Variants in DCX observed in about 807,000 individuals in gnomAD.
DCX encodes neuronal migration protein doublecortin.
A neutral mutation model predicts 20.9 loss-of-function variants in DCX; 4 were observed. The ratio of observed to expected loss-of-function variants is 0.19; its 90% CI spans 0.09 to 0.44. The LOEUF (loss-of-function observed/expected upper bound fraction) is 0.44. Among genes scored for constraint, DCX ranks in the 20% least tolerant of loss-of-function variants. DCX has a pLI of 0.99. For missense variants in DCX, 133 were observed against 296.9 expected (o/e 0.45, Z 4.06); for synonymous variants, 103 against 111.4 (o/e 0.92, Z 0.47).
chrX:111,367,801 A>G (rs1433074211), intron 3 of DCX, among the ~76,000 whole-genome samples: 1 of 111,216 alleles, frequency 9.0e-6, no homozygotes, highest in East Asian at 2.8e-4. Context: ...TAGCCAGGGG[A>G]AGTCTAGAGC....
intron 5 of DCX, among the ~76,000 whole-genome samples, chrX:111,318,967 C>A (rs1439560055): frequency 1.8e-5 from 2 of 111,879 alleles, no homozygotes; most frequent in Admixed American, 9.5e-5. Context: ...AAAAAATGCA[C>A]CAGCAGGGAC....
chrX:111,386,879 A>G (rs1926561421), intron 3 of DCX, among the ~76,000 whole-genome samples: 1 of 111,268 alleles, frequency 9.0e-6, no homozygotes, highest in South Asian at 3.9e-4. Context: ...GAGGACGCAG[A>G]TTTCTATTCC....
intron 3 of DCX, among the ~76,000 whole-genome samples, chrX:111,372,017 C>T (rs1486295394): frequency 9.1e-6 from 1 of 110,308 alleles, no homozygotes; most frequent in Non-Finnish European, 1.9e-5. Flanking sequence ...CCAAATGAAG[C>T]CATGGAGCCT....
intron 3 of DCX, among the ~76,000 whole-genome samples, chrX:111,349,128 G>T (rs188927648): frequency 9.0e-6 from 1 of 111,455 alleles, no homozygotes. Context: ...TATAGTTTAG[G>T]GGGGTTAAGG....
chrX:111,357,880 T>C (rs2147685440), intron 3 of DCX, among the ~76,000 whole-genome samples: 1 of 111,411 alleles, frequency 9.0e-6, no homozygotes, highest in South Asian at 3.9e-4. Context: ...CAGGCTGGAG[T>C]GCAGTGATGT....
In DCX at chrX:111,299,960, T is replaced by G. The variant is rs1294924367; in HGVS notation, c.*1727A>C. On this transcript the variant is annotated 3_prime_UTR_variant, in exon 7 of 7. Coordinates refer to ENST00000636035, the MANE Select transcript of DCX (RefSeq NM_001195553.2). ...AATCCATTACAGGGGTGTCCTGTAG[T>G]ATTTCCTAATTTTGAAGCAGCTGCA... 9.1e-6 allele frequency: 1 copy of G among 110,241 alleles called. No homozygotes were observed. Among genetic ancestry groups the G allele is most frequent in the Non-Finnish European group, 1.9e-5 (1 of 52,865 alleles). 9.1% of individuals were successfully genotyped at this position (110,241 alleles called of 1,213,427 possible).
Position 111,330,911 on chromosome X carries a change from G to T in DCX, c.939C>A (p.Asp313Glu), listed in dbSNP as rs1256660767. The change falls in exon 5 of 7, where the codon GAC becomes GAA. Residue 313 changes from aspartate to glutamate, a missense_variant. Coordinates refer to ENST00000636035, the MANE Select transcript of DCX (RefSeq NM_001195553.2). The stretch of plus-strand genomic sequence containing the variant: ...TAGGAAAAGAGCACTCACCGTCTTG[G>T]TCGTTACCTGAGTCAGCTGGAGACT... ...RSKSPADSGN[D>E]QDANGTSSSQ... 8.3e-7 allele frequency: 1 copy of T among 1,211,748 alleles called. No homozygotes were observed. The highest frequency in any genetic ancestry group is 1.1e-6 in the Non-Finnish European group (1 of 895,380).
chrX:111,370,863 A>T (rs1173994169), intron 3 of DCX, among the ~76,000 whole-genome samples: 1 of 111,997 alleles, frequency 8.9e-6, no homozygotes, highest in Non-Finnish European at 1.9e-5. Context: ...AGTATTTTTT[A>T]AAAGCTCCAC....
chrX:111,333,292 A>G, intron 3 of DCX, 139 bp from the exon 4 acceptor site: 2 of 515,256 alleles, frequency 3.9e-6, no homozygotes, highest in South Asian at 5.3e-5. Flanking sequence ...TAAAACACCT[A>G]CCACATTCAT....
chrX:111,311,967 C>T (rs973186419), intron 6 of DCX, among the ~76,000 whole-genome samples: 1 of 112,215 alleles, frequency 8.9e-6, no homozygotes, highest in Non-Finnish European at 1.9e-5. Flanking sequence ...AAGGCAGTAA[C>T]CACTCCACAT....
intron 3 of DCX, among the ~76,000 whole-genome samples, chrX:111,400,355 G>A (rs1486056777): frequency 8.9e-6 from 1 of 111,972 alleles, no homozygotes; most frequent in Non-Finnish European, 1.9e-5. Context: ...GGGAACAGAT[G>A]GCAGCATCTT....
chrX:111,380,248 C>T (rs966673898), intron 3 of DCX, among the ~76,000 whole-genome samples: 1 of 111,269 alleles, frequency 9.0e-6, no homozygotes, highest in African/African-American at 3.3e-5. Context: ...ATCTAAGAAA[C>T]CATTGCCTAA....
At chrX:111,390,844 C>CA (rs1926882121) in intron 3 of DCX, among the ~76,000 whole-genome samples, 1 of 109,441 alleles carries the variant, frequency 9.1e-6, no homozygotes, top group Non-Finnish European at 1.9e-5. Context: ...ACAAAAAATA[C>CA]AAAAATTAGC....
chrX:111,407,790 A>C (rs1218404423), intron 2 of DCX, among the ~76,000 whole-genome samples: 1 of 88,162 alleles, frequency 1.1e-5, no homozygotes, highest in South Asian at 6.8e-4. Flanking sequence ...GCCCCTCGTG[A>C]TACATCAATA....
At chrX:111,372,462 C>T (rs1470977642) in intron 3 of DCX, among the ~76,000 whole-genome samples, 2 of 111,709 alleles carry the variant, frequency 1.8e-5, no homozygotes, top group Non-Finnish European at 3.8e-5. Flanking sequence ...TAATGAAAAT[C>T]CCATTGTACT....
chrX:111,384,883 A>T (rs1249612579), intron 3 of DCX, among the ~76,000 whole-genome samples: 1 of 112,610 alleles, frequency 8.9e-6, no homozygotes. Context: ...GAATGTTTGC[A>T]TTGTGGAAGG....
intron 3 of DCX, among the ~76,000 whole-genome samples, chrX:111,389,882 C>A (rs925415754): frequency 1.8e-5 from 2 of 111,741 alleles, no homozygotes; most frequent in Admixed American, 9.5e-5. Flanking sequence ...ATGACCCTGA[C>A]CTTTGTATAT....
intron 3 of DCX, among the ~76,000 whole-genome samples, chrX:111,368,051 A>G (rs1188200060): frequency 9.0e-6 from 1 of 111,728 alleles, no homozygotes; most frequent in African/African-American, 3.3e-5. Context: ...GTTTGAAACC[A>G]TACTACTTGT....
intron 1 of DCX, chrX:111,411,023 C>T (rs568674887): frequency 2.8e-6 from 3 of 1,069,557 alleles, no homozygotes; most frequent in East Asian, 3.0e-5. Flanking sequence ...CCCCTCCCCC[C>T]AGAATAAACT....
Sources: gnomAD v4.1 joint callset for allele counts (sites outside exome capture counted in the v4.1 genomes callset) on GRCh38, gnomAD v4.1.1 for gene constraint, MANE v1.5 for transcripts, NCBI Gene and HGNC (gene_info 2026-07-23, HGNC 2026-07-21) for gene names.